ROBO1: variants seen among roughly 807,000 people sequenced by gnomAD.
The protein encoded by ROBO1 is roundabout homolog 1.
Under a neutral mutation model 195.9 loss-of-function variants are expected in ROBO1, and 149 were observed. The observed-to-expected ratio is 0.76, with a 90% CI of 0.67 to 0.87. The LOEUF (loss-of-function observed/expected upper bound fraction) is 0.87, where lower values mean the gene tolerates loss of function less well. Ranked by LOEUF, ROBO1 falls within the 40% of genes least tolerant of loss-of-function variation. The pLI, the probability that ROBO1 is intolerant of heterozygous loss-of-function variation, is 0.00. For synonymous variants in ROBO1, 816 were observed against 733.2 expected (o/e 1.11, Z -1.82); for missense variants, 1,933 against 2,068.3 (o/e 0.93, Z 1.27).
intron 1 of ROBO1, among the ~76,000 whole-genome samples, chr3:79,710,736 T>A (rs1702242816): frequency 6.6e-6 from 1 of 152,106 alleles, no homozygotes; most frequent in Non-Finnish European, 1.5e-5. Flanking sequence ...AAAAACTAGA[T>A]CAGAGTAGCA....
Position 79,355,167 on chromosome 3 carries a change from A to AAAAC in ROBO1, c.89-229632_89-229629dup, listed in dbSNP as rs576902546. ...GGTAACAGAGCAAGACTCGGTCTCA[A>AAAAC]AAACAAACAAACAAACAAACAAAAA... is the stretch of plus-strand genomic sequence containing the variant. On this transcript the variant is annotated intron_variant, in intron 2 of 30. Coordinates refer to ENST00000464233, the MANE Select transcript of ROBO1 (RefSeq NM_002941.4). Among the ~76,000 whole-genome samples, 301 of 152,208 alleles carry AAAAC rather than the reference A, an allele frequency of 2.0e-3. 10 individuals are homozygous for AAAAC. The East Asian group carries it at 0.052, about 26-fold the overall frequency.
chr3:78,779,088 C>G (rs1482728181), intron 4 of ROBO1, among the ~76,000 whole-genome samples: 1 of 152,006 alleles, frequency 6.6e-6, no homozygotes, highest in Non-Finnish European at 1.5e-5. Flanking sequence ...TTCCTTACAC[C>G]TTATACAAAA....
intron 2 of ROBO1, among the ~76,000 whole-genome samples, chr3:79,396,149 G>A (rs2037145953): frequency 6.6e-6 from 1 of 152,068 alleles, no homozygotes; most frequent in African/African-American, 2.4e-5. Context: ...TCTGAATGCA[G>A]GGGCTTTAAT....
At chr3:78,716,182 T>G (rs933963284) in intron 7 of ROBO1, among the ~76,000 whole-genome samples, 1 of 152,202 alleles carries the variant, frequency 6.6e-6, no homozygotes, top group Non-Finnish European at 1.5e-5. Flanking sequence ...AATTCCCCCC[T>G]CTGAGCTGGC....
chr3:79,329,270 T>A (rs1407951182), intron 2 of ROBO1, among the ~76,000 whole-genome samples: 3 of 152,146 alleles, frequency 2.0e-5, no homozygotes, highest in African/African-American at 7.2e-5. Context: ...GCTTTACTAA[T>A]CTAGGTCAAT....
chr3:79,151,048 T>C (rs2108637981), intron 2 of ROBO1, among the ~76,000 whole-genome samples: 1 of 151,892 alleles, frequency 6.6e-6, no homozygotes. Context: ...TGGTAATGAA[T>C]AGGTCTCATG....
At chr3:79,289,241 A>C (rs1303698941) in intron 2 of ROBO1, among the ~76,000 whole-genome samples, 1 of 152,186 alleles carries the variant, frequency 6.6e-6, no homozygotes, top group Admixed American at 6.5e-5. Context: ...CATTTGTCTC[A>C]ATTTCAAGAC....
At chr3:79,451,069 T>G (rs1229031004) in intron 2 of ROBO1, among the ~76,000 whole-genome samples, 1 of 152,074 alleles carries the variant, frequency 6.6e-6, no homozygotes, top group Non-Finnish European at 1.5e-5. Flanking sequence ...CTTGTCTTTT[T>G]AGATTATTAC....
chr3:79,540,233 C>T (rs1019946025), intron 2 of ROBO1, among the ~76,000 whole-genome samples: 5 of 151,950 alleles, frequency 3.3e-5, no homozygotes, highest in South Asian at 2.1e-4. Context: ...CAACAGTACT[C>T]GGCAAAAAAT....
chr3:79,697,231 A>G (rs750665352), intron 1 of ROBO1, among the ~76,000 whole-genome samples: 9 of 151,538 alleles, frequency 5.9e-5, no homozygotes, highest in Admixed American at 1.3e-4. Flanking sequence ...ATTTTCTAAT[A>G]AGAGAAAGTT....
rs2034322258 is a variant in ROBO1, at chr3:79,328,841, T to C, written c.89-203302A>G. 2.0e-5 allele frequency among the ~76,000 whole-genome samples: 3 copies of C among 152,180 alleles called. No individual in the cohort carries two copies. The South Asian group carries it at 6.2e-4, about 32-fold the overall frequency. ...GAATTCCCAAAGTCTATTGTATCAT[T>C]CTAATGCCTTTGTGTCCTCATAGCT... On this transcript the variant is annotated intron_variant, in intron 2 of 30. Coordinates refer to ENST00000464233, the MANE Select transcript of ROBO1 (RefSeq NM_002941.4).
intron 2 of ROBO1, among the ~76,000 whole-genome samples, chr3:79,192,252 C>T (rs1169875982): frequency 6.6e-6 from 1 of 151,564 alleles, no homozygotes; most frequent in African/African-American, 2.4e-5. Context: ...CTGTTGTTCA[C>T]TAATTAAGTT....
chr3:79,589,799 G>A, intron 2 of ROBO1, 25 bp downstream of exon 2: 1 of 1,571,186 alleles, frequency 6.4e-7, no homozygotes, highest in Non-Finnish European at 8.8e-7. Context: ...GTTAAGTATT[G>A]ATGAAACAAA....
intron 2 of ROBO1, among the ~76,000 whole-genome samples, chr3:79,163,650 C>A (rs1559704568): frequency 6.6e-6 from 1 of 152,106 alleles, no homozygotes; most frequent in African/African-American, 2.4e-5. Context: ...GAACAGTGCA[C>A]AAGGGTTCCA....
chr3:79,365,065 T>G (rs1210608506), intron 2 of ROBO1, among the ~76,000 whole-genome samples: 1 of 152,180 alleles, frequency 6.6e-6, no homozygotes, highest in Non-Finnish European at 1.5e-5. Flanking sequence ...GTTCTTCCCC[T>G]CAATTTCCAA....
At chr3:79,526,415 T>G (rs1941434818) in intron 2 of ROBO1, 1 of 152,196 alleles carries the variant, frequency 6.6e-6, no homozygotes. Context: ...TGTCCTGAAT[T>G]GAGTGCAATT....
intron 4 of ROBO1, among the ~76,000 whole-genome samples, chr3:78,901,186 G>A (rs557811798): frequency 1.3e-5 from 2 of 152,272 alleles, no homozygotes; most frequent in Admixed American, 1.3e-4. Flanking sequence ...GAAATATAAT[G>A]CGTAGGGAAA....
intron 1 of ROBO1, among the ~76,000 whole-genome samples, chr3:79,594,084 T>A (rs1425952530): frequency 6.6e-6 from 1 of 152,032 alleles, no homozygotes; most frequent in Non-Finnish European, 1.5e-5. Flanking sequence ...ATCAATTATT[T>A]CTCAATACCT....
At chr3:78,656,767 A>T (rs988607795) in intron 18 of ROBO1, among the ~76,000 whole-genome samples, 2 of 152,198 alleles carry the variant, frequency 1.3e-5, no homozygotes, top group Non-Finnish European at 2.9e-5. Context: ...ATAGATAAAA[A>T]AATTATATAG....
Sources: allele counts gnomAD v4.1 joint callset (sites outside exome capture counted in the v4.1 genomes callset), GRCh38; gene constraint gnomAD v4.1.1; transcripts MANE v1.5; gene names NCBI Gene and HGNC (gene_info 2026-07-23, HGNC 2026-07-21).